SLTM: variants seen among roughly 807,000 people sequenced by gnomAD.
The protein encoded by SLTM is SAFB like transcription modulator, also known as SAFB-like transcription modulator.
SLTM carries 43 observed loss-of-function variants against 134.6 expected under a neutral mutation model. The ratio of observed to expected loss-of-function variants is 0.32; its 90% confidence interval spans 0.25 to 0.41. The LOEUF (loss-of-function observed/expected upper bound fraction) is 0.41. SLTM is among the 10% of genes least tolerant of loss of function. The pLI is 1.00. For missense variants in SLTM, 1,055 were observed against 1,288.8 expected (o/e 0.82, Z 2.78); for synonymous variants, 424 against 432.3 (o/e 0.98, Z 0.24).
intron 3 of SLTM, 63 bp from the exon 4 acceptor site, chr15:58,913,759 G>C (rs757736189): frequency 9.8e-6 from 13 of 1,331,104 alleles, no homozygotes; most frequent in Non-Finnish European, 1.4e-5. Context: ...TCCACCAAAC[G>C]TTTTTGGTAA....
At chr15:58,913,191 G>T (rs554647323) in intron 4 of SLTM, among the ~76,000 whole-genome samples, 1 of 152,226 alleles carries the variant, frequency 6.6e-6, no homozygotes, top group Admixed American at 6.5e-5. Context: ...AATTAAAGGA[G>T]TGTCTATTAG....
At chr15:58,907,913 C>G (rs1382890143) in intron 5 of SLTM, among the ~76,000 whole-genome samples, 1 of 151,860 alleles carries the variant, frequency 6.6e-6, no homozygotes, top group African/African-American at 2.4e-5. Context: ...AGTATAACTT[C>G]CTAGAGGCTA....
At chr15:58,925,490 A>G (rs1487309839) in intron 2 of SLTM, among the ~76,000 whole-genome samples, 3 of 152,232 alleles carry the variant, frequency 2.0e-5, no homozygotes, top group East Asian at 1.9e-4. Flanking sequence ...CGTGCCCAAC[A>G]CCATGCCCAG....
intron 16 of SLTM, 81 bp from the exon 17 acceptor site, chr15:58,888,636 CAT>C (rs1169864944): frequency 2.2e-6 from 3 of 1,371,214 alleles, no homozygotes; most frequent in East Asian, 2.3e-5. Flanking sequence ...ATACATACCA[CAT>C]GTTAGAACTG....
intron 2 of SLTM, among the ~76,000 whole-genome samples, chr15:58,922,020 T>C (rs866043089): frequency 2.6e-5 from 4 of 151,990 alleles, no homozygotes; most frequent in African/African-American, 7.3e-5. Context: ...GCCGACTATA[T>C]TGTAATTTCT....
rs1016130753 is a variant in SLTM at position 58,879,530 on chromosome 15, A to G, written c.*469T>C. The G allele has an allele frequency of 3.1e-4, 47 of 153,238 alleles. No individual in the cohort carries two copies. The highest frequency in any genetic ancestry group is 1.1e-3 in the African/African-American group (44 of 41,604). The allele number at this position is 153,238 out of a possible 1,614,324, so 9.5% of individuals were successfully genotyped here. A position where few individuals can be genotyped will look rare whatever the true frequency, so the allele number is the denominator to read the frequency against. ...AGTACCTTCTGCAAAAATAGGTTAC[A>G]TAATACTCAGAAATGCAATGAACAA... On this transcript the variant is annotated 3_prime_UTR_variant, in exon 21 of 21. Transcript: ENST00000380516.
chr15:58,893,124 T>C, intron 13 of SLTM, 64 bp from the exon 14 acceptor site: 1 of 1,485,514 alleles, frequency 6.7e-7, no homozygotes. Flanking sequence ...TTTTCAAGTT[T>C]AGTAGGTCAT....
chr15:58,907,606 G>T (rs1200002717), intron 5 of SLTM, among the ~76,000 whole-genome samples: 1 of 150,326 alleles, frequency 6.7e-6, no homozygotes, highest in African/African-American at 2.4e-5. Flanking sequence ...GGACGACAGA[G>T]CAAGACCAGG....
chr15:58,896,844 T>A (rs943480405), intron 9 of SLTM, among the ~76,000 whole-genome samples: 3 of 152,184 alleles, frequency 2.0e-5, no homozygotes, highest in African/African-American at 7.2e-5. Flanking sequence ...CTACAAAGTA[T>A]CATGATGAAT....
intron 4 of SLTM, 85 bp from the exon 5 acceptor site, chr15:58,912,695 T>C (rs1320526102): frequency 1.8e-6 from 2 of 1,095,810 alleles, no homozygotes; most frequent in African/African-American, 1.6e-5. Flanking sequence ...CTGATTATCA[T>C]TTGCCTTGTG....
At chr15:58,898,064 A>G (rs1351081745) in intron 8 of SLTM, 1 of 152,146 alleles carries the variant, frequency 6.6e-6, no homozygotes, top group Non-Finnish European at 1.5e-5. Context: ...AACAATTTCT[A>G]TATTTCACAT....
chr15:58,922,804 G>C (rs966016993), intron 2 of SLTM, among the ~76,000 whole-genome samples: 1 of 150,830 alleles, frequency 6.6e-6, no homozygotes, highest in African/African-American at 2.4e-5. Context: ...CCTCCATCTT[G>C]TGGGTTCGAG....
intron 3 of SLTM, among the ~76,000 whole-genome samples, chr15:58,914,437 ATC>A (rs1273679829): frequency 2.0e-5 from 3 of 152,224 alleles, no homozygotes; most frequent in African/African-American, 7.2e-5. Flanking sequence ...ATGACTACTA[ATC>A]ATTCACAGCC....
At chr15:58,883,253 T>G (rs574803781) in intron 20 of SLTM, among the ~76,000 whole-genome samples, 1 of 152,186 alleles carries the variant, frequency 6.6e-6, no homozygotes, top group Non-Finnish European at 1.5e-5. Context: ...AGGCGGAGGT[T>G]GCAGTGAGCC....
In SLTM at chr15:58,886,950, G is replaced by C. The variant is rs190458963; in HGVS notation, c.2835+25C>G. 47 of 1,611,354 alleles carry C rather than the reference G, an allele frequency of 2.9e-5. No individual in the cohort carries two copies. In the South Asian group the frequency reaches 5.1e-4, roughly 17 times the overall value. ...CCTCTAAATGTATGTGTGCAGGCTCGCGGCAAGCCTCCCGCAGCACTTACC... is the reference window on the plus strand; with the variant it reads ...CCTCTAAATGTATGTGTGCAGGCTCCCGGCAAGCCTCCCGCAGCACTTACC... On this transcript the variant is annotated intron_variant, in intron 19 of 20. Coordinates refer to ENST00000380516, the MANE Select transcript of SLTM (RefSeq NM_024755.4).
rs761304148 is a variant in SLTM at position 58,913,678 on chromosome 15, G to A, written c.334C>T (p.Gln112Ter). 6.2e-7 allele frequency: 1 copy of A among 1,613,224 alleles called. No homozygotes were observed. The highest frequency in any genetic ancestry group is 2.2e-5 in the East Asian group (1 of 44,764). Reference protein sequence around the residue: ...AFIKDCELENQEAHEQDGNDE... With the variant: ...AFIKDCELEN ...TTTCCATCTTGCTCATGTGCCTCTTGATTCTCCAATTCACAGTCCTTTTAA... is the reference window on the plus strand; with the variant it reads ...TTTCCATCTTGCTCATGTGCCTCTTAATTCTCCAATTCACAGTCCTTTTAA... Residue 112 changes from glutamine to a stop codon, truncating the protein, a stop_gained, in exon 4 of 21, where the codon CAA becomes TAA. Transcript: ENST00000380516. LOFTEE classifies it high-confidence loss of function.
At chr15:58,932,948 C>T (rs571348233) in intron 1 of SLTM, among the ~76,000 whole-genome samples, 2 of 152,358 alleles carry the variant, frequency 1.3e-5, no homozygotes, top group South Asian at 2.1e-4. Context: ...ACCAATTCCC[C>T]CTCAAGATGG....
rs2035266579 is a variant in SLTM at position 58,898,691 on chromosome 15, G to A, written c.1108+112C>T. 25 of 726,256 alleles carry A rather than the reference G, an allele frequency of 3.4e-5. No individual in the cohort carries two copies. In the South Asian group the frequency reaches 3.7e-4, roughly 11 times the overall value. The allele number at this position is 726,256 out of a possible 1,614,324, so 45.0% of individuals were successfully genotyped here. On this transcript the variant is annotated intron_variant, in intron 8 of 20. Transcript: ENST00000380516. ...AAAGACCATCTCAAGTTTCTAGTCTGTCAATAAAATTTTTAAGGACTAAAT... is the reference window on the plus strand; with the variant it reads ...AAAGACCATCTCAAGTTTCTAGTCTATCAATAAAATTTTTAAGGACTAAAT...
At position 58,890,310 on chromosome 15, in the gene SLTM, A is replaced by G; in HGVS notation, c.2050T>C (p.Leu684=). ...TCAATACGAATGCGTTCCCTTTCCA[A>G]GCGTTCGCGTTCCATTCTCTCTCTC... ...LERERMERER[L]ERERIRIEQE... The change falls in exon 15 of 21, where the codon TTG becomes CTG. Residue 684 remains leucine (L), a synonymous_variant. Coordinates refer to ENST00000380516, the MANE Select transcript of SLTM (RefSeq NM_024755.4). 6.2e-7 allele frequency: 1 copy of G among 1,614,032 alleles called. No homozygotes were observed. Among genetic ancestry groups the G allele is most frequent in the South Asian group, 1.1e-5 (1 of 91,070 alleles).
Sources: allele counts gnomAD v4.1 joint callset (sites outside exome capture counted in the v4.1 genomes callset), GRCh38; gene constraint gnomAD v4.1.1; transcripts MANE v1.5; gene names NCBI Gene and HGNC (gene_info 2026-07-23, HGNC 2026-07-21).